The following GCN1 variants were observed in gnomAD, a reference collection of about 807,000 sequenced individuals.
GCN1 encodes the protein stalled ribosome sensor GCN1.
A neutral mutation model predicts 288.4 loss-of-function variants in GCN1; 90 were observed. That is an observed-to-expected ratio of 0.31 (90% confidence interval 0.26 to 0.37). GCN1 has a LOEUF of 0.37. Among genes scored for constraint, GCN1 ranks in the 10% least tolerant of loss-of-function variants. GCN1 has a pLI of 1.00. For missense variants in GCN1, 2,586 were observed against 3,419.9 expected, an observed-to-expected ratio of 0.76 and a Z score of 6.08; for synonymous variants, 1,386 against 1,420.2, an observed-to-expected ratio of 0.98 and a Z score of 0.54.
At position 120,134,558 on chromosome 12, in the gene GCN1, G is replaced by A. The variant is rs751152031; in HGVS notation, c.7177C>T (p.Arg2393Cys). ...PLFTELLNGIRAMEDPGVRDT... is the reference protein window; with the variant it reads ...PLFTELLNGICAMEDPGVRDT... Reference sequence around the variant, plus strand: ...CTGACACCTGGGTCCTCCATGGCGCGGATGCCATTGAGCAGCTCTGTGAAG... The same window carrying A: ...CTGACACCTGGGTCCTCCATGGCGCAGATGCCATTGAGCAGCTCTGTGAAG... Residue 2393 changes from arginine (R) to cysteine (C), a missense_variant, in exon 52 of 58, where the codon CGC (arginine) becomes TGC (cysteine). Physicochemically the swap from Arg to Cys is radical, Grantham distance 180. Around this residue, in one of 8 missense-constraint regions of GCN1, gnomAD observed 355 missense variants for 431.1 expected, o/e 0.82. Transcript: ENST00000300648. The surrounding 1 kb of genome is among the most constrained non-coding windows in gnomAD (Gnocchi z 5.0). 9.9e-6 allele frequency: 16 copies of A among 1,613,912 alleles called. No individual in the cohort carries two copies. Among genetic ancestry groups the A allele is most frequent in the South Asian group, 2.2e-5 (2 of 91,084 alleles).
At chr12:120,138,600 T>A (rs878995868) in intron 46 of GCN1, 95 bp downstream of exon 46, 2 of 1,325,624 alleles carry the variant, frequency 1.5e-6, no homozygotes, top group South Asian at 2.6e-5. Context: ...GGGCCCACAT[T>A]GCGACTGCCT....
At chr12:120,194,518 G>C (rs1023741269) in intron 1 of GCN1, among the ~76,000 whole-genome samples, 162 bp downstream of exon 1, 3 of 152,164 alleles carry the variant, frequency 2.0e-5, no homozygotes, top group East Asian at 3.9e-4. Flanking sequence ...GCCGGGCCAA[G>C]CCCGCAGCCC....
chr12:120,190,314 C>T lies in GCN1; in HGVS notation c.105G>A (p.Lys35=), dbSNP rs766186794. 2.6e-6 allele frequency: 4 copies of T among 1,568,226 alleles called. No homozygotes were observed. The highest frequency in any genetic ancestry group is 3.5e-6 in the Non-Finnish European group (4 of 1,138,550). Residue 35 remains lysine (K), a synonymous_variant, in exon 2 of 58, where the codon AAG becomes AAA. Coordinates refer to ENST00000300648, the MANE Select transcript of GCN1 (RefSeq NM_006836.2). The part of the protein sequence containing the change: ...ERREILSELG[K]CVAGKDLPEG... ...AATAAATACCTTTTCCAGCAACACA[C>T]TTCCCAAGTTCACTGAGGATTTCTC...
At chr12:120,135,798 G>C (rs1462697352) in intron 51 of GCN1, among the ~76,000 whole-genome samples, 1 of 152,120 alleles carries the variant, frequency 6.6e-6, no homozygotes, top group Non-Finnish European at 1.5e-5. Context: ...TGGTAAATCT[G>C]AGCTGTGCGA....
At chr12:120,181,400 G>C (rs2139137718) in intron 5 of GCN1, among the ~76,000 whole-genome samples, 1 of 145,206 alleles carries the variant, frequency 6.9e-6, no homozygotes, top group Non-Finnish European at 1.5e-5. Context: ...AGGAGGTCAA[G>C]GCTGCAGTGA....
At chr12:120,185,088 G>A (rs150291027) in intron 2 of GCN1, among the ~76,000 whole-genome samples, 1 of 152,280 alleles carries the variant, frequency 6.6e-6, no homozygotes, top group East Asian at 1.9e-4. Flanking sequence ...GTAGACATTT[G>A]CTAAATGAAC....
chr12:120,193,293 C>T (rs1879065590), intron 1 of GCN1, among the ~76,000 whole-genome samples: 1 of 152,112 alleles, frequency 6.6e-6, no homozygotes, highest in Admixed American at 6.6e-5. Flanking sequence ...GTGGCTGGTA[C>T]AAGTGAAGAA....
At chr12:120,166,401 C>CA (rs1190939956) in intron 16 of GCN1, among the ~76,000 whole-genome samples, 3,232 of 44,716 alleles carry the variant, frequency 0.072, 106 homozygotes, top group African/African-American at 0.095. Flanking sequence ...GAGACTGTCT[C>CA]AAAAAAAAAA....
chr12:120,181,695 C>T (rs1303716429), intron 5 of GCN1, among the ~76,000 whole-genome samples: 3 of 151,288 alleles, frequency 2.0e-5, no homozygotes, highest in Non-Finnish European at 4.4e-5. Context: ...CAAAACTAGT[C>T]GGGCATGGTG....
intron 2 of GCN1, among the ~76,000 whole-genome samples, chr12:120,187,895 AAAAAAAC>A (rs1287817108): frequency 2.0e-5 from 3 of 151,596 alleles, no homozygotes; most frequent in Non-Finnish European, 3.0e-5. Context: ...ATGAAAAAAA[AAAAAAAC>A]AAAAAACTAG....
chr12:120,163,018 T>C (rs771720752), intron 19 of GCN1, 47 bp from the exon 20 acceptor site: 2 of 1,613,694 alleles, frequency 1.2e-6, no homozygotes, highest in Non-Finnish European at 1.7e-6. Context: ...GGCCTGCTCT[T>C]ACCCCATCCC....
chr12:120,149,312 A>T (rs1326241265), intron 36 of GCN1, among the ~76,000 whole-genome samples: 2 of 152,132 alleles, frequency 1.3e-5, no homozygotes, highest in East Asian at 3.9e-4. Context: ...ACTTGAACCC[A>T]GGAATTCAAG....
Position 120,177,574 on chromosome 12 carries a change from A to C in GCN1, c.730-19T>G. 6.4e-7 allele frequency: 1 copy of C among 1,564,400 alleles called. No individual in the cohort carries two copies. Among genetic ancestry groups the C allele is most frequent in the Non-Finnish European group, 8.8e-7 (1 of 1,134,704 alleles). ...AGCTATCCTACAAAGAAAAAGGAAT[A>C]AGGCACCTAGCCCTCATGGGAACGG... On this transcript the variant is annotated intron_variant, in intron 8 of 57. Transcript: ENST00000300648.
rs2139135318 is a variant in GCN1 at position 120,179,260 on chromosome 12, C to G, written c.427-310G>C. Among the ~76,000 whole-genome samples the G allele has an allele frequency of 2.0e-5, 3 of 151,824 alleles. 1 individual carries two copies. Among genetic ancestry groups the G allele is most frequent in the Admixed American group, 2.0e-4 (3 of 15,264 alleles). On this transcript the variant is annotated intron_variant, in intron 5 of 57. Coordinates refer to ENST00000300648, the MANE Select transcript of GCN1 (RefSeq NM_006836.2). ...CTGCTTTTTTTTTTTAAGACGGAGT[C>G]TCGCTCTGTCGCCAGGCTGGAGTGC...
At chr12:120,188,611 C>T (rs1416477722) in intron 2 of GCN1, among the ~76,000 whole-genome samples, 1 of 152,008 alleles carries the variant, frequency 6.6e-6, no homozygotes, top group Non-Finnish European at 1.5e-5. Flanking sequence ...ACCTGTAATT[C>T]CAGCACTTTG....
chr12:120,155,818 G>A lies in GCN1; in HGVS notation c.3313-99C>T. ...TCTAGGTTGTACTGTCCAAGATGTA[G>A]CCACTAACCGCATGTGGCTAAAGTT... On this transcript the variant is annotated intron_variant, in intron 28 of 57. Transcript: ENST00000300648. The surrounding 1 kb of genome is among the most constrained non-coding windows in gnomAD (Gnocchi z 4.9). 8.9e-7 allele frequency: 1 copy of A among 1,124,000 alleles called. No homozygotes were observed. Among genetic ancestry groups the A allele is most frequent in the Non-Finnish European group, 1.3e-6 (1 of 769,040 alleles). 69.6% of individuals were successfully genotyped at this position (1,124,000 alleles called of 1,614,324 possible). A position where few individuals can be genotyped will look rare whatever the true frequency, so the allele number is the denominator to read the frequency against.
chr12:120,164,781 C>G, intron 16 of GCN1, 60 bp from the exon 17 acceptor site: 2 of 1,017,216 alleles, frequency 2.0e-6, no homozygotes, highest in Non-Finnish European at 3.1e-6. Flanking sequence ...CACATACATA[C>G]CAATACCCAG....
intron 53 of GCN1, among the ~76,000 whole-genome samples, chr12:120,133,452 G>A (rs1004716158): frequency 6.6e-6 from 1 of 152,116 alleles, no homozygotes; most frequent in East Asian, 1.9e-4. Flanking sequence ...AGGGCTTCTG[G>A]TTTGGACTCT....
chr12:120,161,798 A>C, intron 21 of GCN1, 82 bp downstream of exon 21: 2 of 1,346,974 alleles, frequency 1.5e-6, no homozygotes, highest in Non-Finnish European at 2.1e-6. Flanking sequence ...TTCAACTCAC[A>C]GGAGGCACTG....
Sources: gnomAD v4.1 joint callset for allele counts (sites outside exome capture counted in the v4.1 genomes callset) on GRCh38, gnomAD v4.1.1 for gene constraint, gnomAD v4.1.1 regional missense constraint, Gnocchi (gnomAD v3.1) non-coding constraint, MANE v1.5 for transcripts, NCBI Gene and HGNC (gene_info 2026-07-23, HGNC 2026-07-21) for gene names.